BFSP2: variants seen among roughly 807,000 people sequenced by gnomAD.
BFSP2 encodes beaded filament structural protein 2.
In BFSP2, 38 loss-of-function variants were observed where a neutral mutation model predicts 44.9. The ratio of observed to expected loss-of-function variants is 0.85; its 90% CI spans 0.65 to 1.11. BFSP2 has a LOEUF of 1.11. Among genes scored for constraint, BFSP2 ranks in the 50% least tolerant of loss-of-function variants. BFSP2 has a pLI of 0.00. For synonymous variants in BFSP2, 197 were observed against 209.9 expected (o/e 0.94, Z 0.53); for missense variants, 525 against 533.0 (o/e 0.99, Z 0.15).
intron 1 of BFSP2, among the ~76,000 whole-genome samples, chr3:133,435,964 T>C (rs916817867): frequency 8.5e-5 from 13 of 152,220 alleles, no homozygotes; most frequent in Non-Finnish European, 1.3e-4. Context: ...TGATAGGGGC[T>C]CTTTCCAAAC....
intron 6 of BFSP2, among the ~76,000 whole-genome samples, chr3:133,473,810 G>T (rs1021489057): frequency 1.3e-5 from 2 of 152,104 alleles, no homozygotes; most frequent in African/African-American, 2.4e-5. Flanking sequence ...CAAGGCAGAA[G>T]AATTTTTCTT....
chr3:133,410,647 T>C, intron 1 of BFSP2: 1 of 297,450 alleles, frequency 3.4e-6, no homozygotes. Flanking sequence ...TTCAGTTCAA[T>C]GTTACAGAAA....
At chr3:133,427,187 G>A (rs2073662161) in intron 1 of BFSP2, among the ~76,000 whole-genome samples, 2 of 152,184 alleles carry the variant, frequency 1.3e-5, no homozygotes, top group Admixed American at 1.3e-4. Context: ...CCAAGATGGT[G>A]CCCTTCTAAA....
chr3:133,437,383 C>A (rs1230949965), intron 1 of BFSP2, among the ~76,000 whole-genome samples: 1 of 151,974 alleles, frequency 6.6e-6, no homozygotes, highest in Non-Finnish European at 1.5e-5. Context: ...ATTAGCCGGG[C>A]ATGGTGGCAC....
chr3:133,448,683 C>G, intron 3 of BFSP2, 38 bp downstream of exon 3: 1 of 1,608,448 alleles, frequency 6.2e-7, no homozygotes, highest in Non-Finnish European at 8.5e-7. Context: ...GGCCACAAGA[C>G]CAGAAGTTCA....
In BFSP2 at chr3:133,447,407, C is replaced by G; in HGVS notation, c.572+8C>G. On this transcript the variant is annotated splice_region_variant and intron_variant, in intron 2 of 6. Transcript: ENST00000302334. ...AGATGACTTTAAAGAGAGGTAATGTCTTACAGCAGAGGCGACAGTCCCTCC... is the reference window on the plus strand; with the variant it reads ...AGATGACTTTAAAGAGAGGTAATGTGTTACAGCAGAGGCGACAGTCCCTCC... The G allele has an allele frequency of 6.2e-7, 1 of 1,613,500 alleles. No homozygotes were observed. The highest frequency in any genetic ancestry group is 8.5e-7 in the Non-Finnish European group (1 of 1,179,624).
chr3:133,400,313 C>A lies in BFSP2; in HGVS notation c.230C>A (p.Ala77Asp), dbSNP rs768109082. ...GGLGARVTRR[A>D]LGISSVFLQG... is the part of the protein sequence containing the mutation. The stretch of plus-strand genomic sequence containing the variant: ...TTGGGTGCCCGTGTGACCCGCCGGG[C>A]CCTCGGCATCAGCAGTGTCTTCCTT... The change falls in exon 1 of 7, where the codon GCC (alanine) becomes GAC (aspartate). Residue 77 changes from alanine (A) to aspartate (D), a missense_variant. Physicochemically the swap from Ala to Asp is moderately radical, Grantham distance 126. Transcript: ENST00000302334. This position sits in a 1 kb window ranked among gnomAD's most constrained non-coding sequence, Gnocchi z 4.0. 1 of 1,614,006 alleles carries A rather than the reference C, an allele frequency of 6.2e-7. No individual in the cohort carries two copies. Among genetic ancestry groups the A allele is most frequent in the South Asian group, 1.1e-5 (1 of 91,086 alleles).
intron 6 of BFSP2, among the ~76,000 whole-genome samples, chr3:133,474,088 T>C (rs115820338): frequency 4.3e-4 from 65 of 152,260 alleles, no homozygotes; most frequent in African/African-American, 1.5e-3. Flanking sequence ...TTGCACTCAC[T>C]CTTTTTTTAA....
At chr3:133,465,001 C>CTTTTTTTTTTTTTTTTTTTTTTTT (rs71136470) in intron 4 of BFSP2, among the ~76,000 whole-genome samples, 1 of 132,112 alleles carries the variant, frequency 7.6e-6, no homozygotes. Context: ...CTTGGGGTTT[C>CTTTTTTTTTTTTTTTTTTTTTTTT]TTTTTTTTTT....
chr3:133,440,641 G>T (rs1355391128), intron 1 of BFSP2, among the ~76,000 whole-genome samples: 1 of 152,126 alleles, frequency 6.6e-6, no homozygotes, highest in Non-Finnish European at 1.5e-5. Context: ...ATCAGAACTT[G>T]GGGGGACAGA....
intron 1 of BFSP2, among the ~76,000 whole-genome samples, chr3:133,430,777 C>T (rs1243363650): frequency 1.3e-5 from 2 of 152,104 alleles, no homozygotes; most frequent in Non-Finnish European, 2.9e-5. Flanking sequence ...TTCTAATCTT[C>T]CTTTTCTACA....
At chr3:133,460,420 G>A (rs924507394) in intron 4 of BFSP2, among the ~76,000 whole-genome samples, 2 of 152,102 alleles carry the variant, frequency 1.3e-5, no homozygotes, top group African/African-American at 4.8e-5. Context: ...CCTTAATTTG[G>A]TTTTTAAAAG....
chr3:133,430,857 C>T (rs922971032), intron 1 of BFSP2, among the ~76,000 whole-genome samples: 4 of 152,148 alleles, frequency 2.6e-5, no homozygotes, highest in African/African-American at 7.2e-5. Context: ...CTCCGCTCCT[C>T]CACCCTGGTC....
chr3:133,474,351 C>T lies in BFSP2; in HGVS notation c.1245-618C>T, dbSNP rs559413590. Among the ~76,000 whole-genome samples the T allele has an allele frequency of 2.0e-4, 30 of 152,302 alleles. No individual in the cohort carries two copies. The South Asian group carries it at 5.8e-3, about 29-fold the overall frequency. On this transcript the variant is annotated intron_variant, in intron 6 of 6. Coordinates refer to ENST00000302334, the MANE Select transcript of BFSP2 (RefSeq NM_003571.4). Reference sequence around the variant, plus strand: ...GATTTGCGCATGATCACACAGGAGGCGGAGACAGCACTGGGATGGGAGCCC... The same window carrying T: ...GATTTGCGCATGATCACACAGGAGGTGGAGACAGCACTGGGATGGGAGCCC...
intron 1 of BFSP2, among the ~76,000 whole-genome samples, chr3:133,419,194 C>A (rs1224247436): frequency 6.6e-6 from 1 of 152,194 alleles, no homozygotes; most frequent in African/African-American, 2.4e-5. Context: ...GGCCCACCGT[C>A]AGGACCTCAT....
At chr3:133,458,084 A>G (rs1393394966) in intron 4 of BFSP2, among the ~76,000 whole-genome samples, 1 of 152,240 alleles carries the variant, frequency 6.6e-6, no homozygotes, top group Non-Finnish European at 1.5e-5. Context: ...TACAAAGATT[A>G]TAACAATTTA....
rs549672035 is a variant in BFSP2, at chr3:133,403,006, A to G, written c.489+2434A>G. 1.2e-4 allele frequency among the ~76,000 whole-genome samples: 18 copies of G among 152,260 alleles called. No homozygotes were observed. In the South Asian group the frequency reaches 2.9e-3, roughly 25 times the overall value. On this transcript the variant is annotated intron_variant, in intron 1 of 6. Coordinates refer to ENST00000302334, the MANE Select transcript of BFSP2 (RefSeq NM_003571.4). The stretch of plus-strand genomic sequence containing the variant: ...AGCCATATTAAACTCTATTCCATCA[A>G]GAAGAACAAAAGAAAACTCCATAAT...
chr3:133,431,428 G>A (rs2073716812), intron 1 of BFSP2, among the ~76,000 whole-genome samples: 2 of 152,236 alleles, frequency 1.3e-5, no homozygotes, highest in South Asian at 2.1e-4. Flanking sequence ...CTGACCACCA[G>A]GCCAAGGAAT....
At position 133,454,520 on chromosome 3, in the gene BFSP2, G is replaced by A. The variant is rs73863549; in HGVS notation, c.891+4056G>A. Among the ~76,000 whole-genome samples the A allele has an allele frequency of 5.4e-3, 815 of 152,284 alleles. 8 individuals are homozygous for A. Among genetic ancestry groups the A allele is most frequent in the African/African-American group, 0.019 (789 of 41,556 alleles). Reference sequence around the variant, plus strand: ...GTTAAGGGCTCAGTCCCATAAGACAGCCCTCACTTCAGATGACAAGTCTGG... The same window carrying A: ...GTTAAGGGCTCAGTCCCATAAGACAACCCTCACTTCAGATGACAAGTCTGG... On this transcript the variant is annotated intron_variant, in intron 4 of 6. Transcript: ENST00000302334.
Sources: allele counts gnomAD v4.1 joint callset (sites outside exome capture counted in the v4.1 genomes callset), GRCh38; gene constraint gnomAD v4.1.1; non-coding constraint Gnocchi (gnomAD v3.1); transcripts MANE v1.5; gene names NCBI Gene and HGNC (gene_info 2026-07-23, HGNC 2026-07-21).